TRAK1: variants seen among roughly 807,000 people sequenced by gnomAD.
TRAK1 encodes the protein trafficking kinesin-binding protein 1.
A neutral mutation model predicts 92.1 loss-of-function variants in TRAK1; 33 were observed. That is an observed-to-expected ratio of 0.36 (90% CI 0.27 to 0.48). The LOEUF (loss-of-function observed/expected upper bound fraction) is 0.48. TRAK1 is among the 20% of genes least tolerant of loss of function. The pLI is 0.99. For synonymous variants in TRAK1, 521 were observed against 517.3 expected (o/e 1.01, Z -0.10); for missense variants, 1,123 against 1,257.9 (o/e 0.89, Z 1.62).
chr3:42,219,430 G>A, intron 14 of TRAK1, 64 bp from the exon 15 acceptor site: 1 of 1,612,344 alleles, frequency 6.2e-7, no homozygotes, highest in East Asian at 2.2e-5. Context: ...TGACATGCTG[G>A]ATTTTAATTT....
chr3:42,135,112 C>T (rs1010074647), intron 2 of TRAK1, among the ~76,000 whole-genome samples: 1 of 152,210 alleles, frequency 6.6e-6, no homozygotes. Context: ...AGGAAAACCT[C>T]TCCACTTCTT....
Position 42,184,818 on chromosome 3 carries a change from C to T in TRAK1, c.480+17C>T, listed in dbSNP as rs1375537. 12,048 of 1,608,760 alleles carry T rather than the reference C, an allele frequency of 7.5e-3. 811 individuals are homozygous for T. In the African/African-American group the frequency reaches 0.14, roughly 19 times the overall value. ...AGGGAGGAGGTAAGACATTGGAGGC[C>T]GAGGCTTCCAGAGGGGCCCGCCACA... On this transcript the variant is annotated intron_variant, in intron 4 of 15. Transcript: ENST00000327628.
intron 1 of TRAK1, among the ~76,000 whole-genome samples, chr3:42,077,274 C>G (rs1334089332): frequency 6.6e-6 from 1 of 152,166 alleles, no homozygotes; most frequent in Non-Finnish European, 1.5e-5. Context: ...TATCCATGAG[C>G]ATGGAAAGTG....
intron 1 of TRAK1, among the ~76,000 whole-genome samples, chr3:42,118,893 A>C (rs1038882674): frequency 2.0e-5 from 3 of 152,202 alleles, no homozygotes; most frequent in Non-Finnish European, 2.9e-5. Context: ...ACTTTCCTCT[A>C]TGCTGGATAA....
Position 42,224,828 on chromosome 3 carries a change from C to G in TRAK1, c.*1091C>G, listed in dbSNP as rs1313017104. The stretch of plus-strand genomic sequence containing the variant: ...CTGGCTCCAGCGCTTTTTCTGAAAC[C>G]CGAGGCTGGCCAGGGTGCTGTCACC... On this transcript the variant is annotated 3_prime_UTR_variant, in exon 16 of 16. Coordinates refer to ENST00000327628, the MANE Select transcript of TRAK1 (RefSeq NM_001042646.3). 1 of 152,218 alleles carries G rather than the reference C, an allele frequency of 6.6e-6. No homozygotes were observed. Among genetic ancestry groups the G allele is most frequent in the Non-Finnish European group, 1.5e-5 (1 of 68,046 alleles). The allele number at this position is 152,218 out of a possible 1,614,324, so 9.4% of individuals were successfully genotyped here.
intron 1 of TRAK1, among the ~76,000 whole-genome samples, chr3:42,100,729 C>T (rs1288756636): frequency 1.3e-5 from 2 of 152,244 alleles, no homozygotes; most frequent in Admixed American, 6.5e-5. Context: ...TGCAATGGCA[C>T]AGTCTCGGTT....
At chr3:42,141,190 A>G (rs1267135070) in intron 2 of TRAK1, among the ~76,000 whole-genome samples, 1 of 152,244 alleles carries the variant, frequency 6.6e-6, no homozygotes, top group Non-Finnish European at 1.5e-5. Context: ...ACTAATAAGT[A>G]CAAACTTAGA....
chr3:42,196,629 C>G (rs1055568846), intron 10 of TRAK1, among the ~76,000 whole-genome samples: 3 of 151,180 alleles, frequency 2.0e-5, no homozygotes, highest in African/African-American at 7.3e-5. Context: ...CCTCCCTCTC[C>G]TGAGTTCAAG....
intron 2 of TRAK1, among the ~76,000 whole-genome samples, chr3:42,171,621 C>A (rs1461136089): frequency 6.6e-6 from 1 of 152,164 alleles, no homozygotes; most frequent in Non-Finnish European, 1.5e-5. Flanking sequence ...CTCCTTCCCA[C>A]TTCTCCCGGC....
chr3:42,218,213 GTTTTC>G (rs1219110799), intron 14 of TRAK1: 2 of 985,224 alleles, frequency 2.0e-6, no homozygotes, highest in African/African-American at 3.5e-5. Flanking sequence ...CGGGTTCCTG[GTTTTC>G]TTTTAAGACA....
intron 1 of TRAK1, among the ~76,000 whole-genome samples, chr3:42,045,589 T>TG (rs1294739781): frequency 6.6e-6 from 1 of 152,226 alleles, no homozygotes; most frequent in Non-Finnish European, 1.5e-5. Context: ...TGGGTCAGCA[T>TG]GGATCCGATC....
chr3:42,090,424 G>T (rs1008682105), upstream of TRAK1, among the ~76,000 whole-genome samples: 8 of 152,220 alleles, frequency 5.3e-5, no homozygotes, highest in East Asian at 1.9e-4. Flanking sequence ...GGTGGCTCAC[G>T]CCTATGATCC....
At chr3:42,174,865 C>A (rs140365952) in intron 2 of TRAK1, among the ~76,000 whole-genome samples, 168 of 151,742 alleles carry the variant, frequency 1.1e-3, no homozygotes, top group African/African-American at 3.9e-3. Flanking sequence ...CCTCACCCGG[C>A]CCCCTCTGTG....
At chr3:42,136,770 C>A (rs1156573204) in intron 2 of TRAK1, among the ~76,000 whole-genome samples, 1 of 152,100 alleles carries the variant, frequency 6.6e-6, no homozygotes, top group African/African-American at 2.4e-5. Flanking sequence ...GCAATCTCCA[C>A]CTCCTGGGTT....
chr3:42,036,578 T>A (rs1702333808), intron 1 of TRAK1, among the ~76,000 whole-genome samples: 1 of 152,188 alleles, frequency 6.6e-6, no homozygotes, highest in Non-Finnish European at 1.5e-5. Flanking sequence ...CAAGCTGTAA[T>A]CACCAGAGCA....
intron 1 of TRAK1, among the ~76,000 whole-genome samples, chr3:42,106,433 C>T (rs1017303189): frequency 6.6e-6 from 1 of 152,002 alleles, no homozygotes; most frequent in Admixed American, 6.6e-5. Context: ...CAAAGAAGGC[C>T]ATTACATAAT....
At chr3:42,155,825 C>A (rs1030109376) in intron 2 of TRAK1, among the ~76,000 whole-genome samples, 1 of 152,098 alleles carries the variant, frequency 6.6e-6, no homozygotes, top group African/African-American at 2.4e-5. Context: ...ATAAATAGTC[C>A]CAGTGGCTTG....
intron 1 of TRAK1, among the ~76,000 whole-genome samples, chr3:42,110,288 G>A (rs1038475198): frequency 6.6e-6 from 1 of 151,586 alleles, no homozygotes; most frequent in African/African-American, 2.4e-5. Flanking sequence ...ACAATAGAGG[G>A]AAAGGCTGTG....
chr3:42,138,890 TG>T (rs1698313073), intron 2 of TRAK1, among the ~76,000 whole-genome samples: 1 of 148,366 alleles, frequency 6.7e-6, no homozygotes, highest in African/African-American at 2.5e-5. Flanking sequence ...TGTGTGTGTG[TG>T]TGTGTGTGTG....
Sources: gnomAD v4.1 joint callset for allele counts (sites outside exome capture counted in the v4.1 genomes callset) on GRCh38, gnomAD v4.1.1 for gene constraint, MANE v1.5 for transcripts, NCBI Gene and HGNC (gene_info 2026-07-23, HGNC 2026-07-21) for gene names.